The following RGS17 variants were observed in gnomAD, a reference collection of about 807,000 sequenced individuals.
RGS17 encodes regulator of G-protein signaling 17.
A neutral mutation model predicts 25.5 loss-of-function variants in RGS17; 12 were observed. That is an observed-to-expected ratio of 0.47 (90% confidence interval 0.30 to 0.76). The LOEUF (loss-of-function observed/expected upper bound fraction) is 0.76. Among genes scored for constraint, RGS17 ranks in the 30% least tolerant of loss-of-function variants. The pLI is 0.07. For missense variants in RGS17, 196 were observed against 242.2 expected, an observed-to-expected ratio of 0.81 and a Z score of 1.27; for synonymous variants, 71 against 76.9, an observed-to-expected ratio of 0.92 and a Z score of 0.40.
chr6:153,028,226 T>C (rs1779324542), intron 2 of RGS17, among the ~76,000 whole-genome samples: 1 of 152,150 alleles, frequency 6.6e-6, no homozygotes, highest in African/African-American at 2.4e-5. Context: ...GCAGGTTTAT[T>C]GGTGTCGAAC....
chr6:153,090,029 A>C (rs1384125073), intron 1 of RGS17, among the ~76,000 whole-genome samples: 2 of 152,178 alleles, frequency 1.3e-5, no homozygotes, highest in Admixed American at 6.5e-5. Flanking sequence ...GATTAACTGA[A>C]GGATTGAACA....
At chr6:153,020,900 G>A (rs1005651445) in intron 4 of RGS17, among the ~76,000 whole-genome samples, 3 of 152,162 alleles carry the variant, frequency 2.0e-5, no homozygotes, top group Non-Finnish European at 2.9e-5. Context: ...AGATTCTGAG[G>A]TTCAGTGTGG....
chr6:153,018,554 A>T lies in RGS17; in HGVS notation c.444+5708T>A, dbSNP rs1779208467. ...AATAATTGATCATAATTATGACATCATCTTGATCAAACCCAATGTGTTTGG... is the reference window on the plus strand; with the variant it reads ...AATAATTGATCATAATTATGACATCTTCTTGATCAAACCCAATGTGTTTGG... On this transcript the variant is annotated intron_variant, in intron 4 of 4. Coordinates refer to ENST00000206262, the MANE Select transcript of RGS17 (RefSeq NM_012419.5). Among the ~76,000 whole-genome samples, 4 of 152,230 alleles carry T rather than the reference A, an allele frequency of 2.6e-5. No individual in the cohort carries two copies. The South Asian group carries it at 8.3e-4, about 32-fold the overall frequency.
intron 1 of RGS17, among the ~76,000 whole-genome samples, chr6:153,062,116 G>A (rs1327036597): frequency 2.0e-4 from 20 of 102,550 alleles, no homozygotes; most frequent in African/African-American, 3.9e-5. Flanking sequence ...CCCTTCACAA[G>A]GACACCAATT....
chr6:153,050,390 C>T (rs75118866), intron 1 of RGS17, among the ~76,000 whole-genome samples: 3 of 152,018 alleles, frequency 2.0e-5, no homozygotes, highest in Non-Finnish European at 4.4e-5. Context: ...TAACACATTG[C>T]AATTTAACAA....
chr6:153,080,831 T>C (rs1776967935), intron 1 of RGS17, among the ~76,000 whole-genome samples: 1 of 151,828 alleles, frequency 6.6e-6, no homozygotes, highest in Non-Finnish European at 1.5e-5. Flanking sequence ...ATTTTCTCAT[T>C]TCTCCTGTTT....
chr6:153,032,040 G>T (rs1369596422), intron 2 of RGS17, among the ~76,000 whole-genome samples: 1 of 152,098 alleles, frequency 6.6e-6, no homozygotes, highest in Non-Finnish European at 1.5e-5. Flanking sequence ...ATAACTTCAG[G>T]ACAGGGCAAC....
chr6:153,085,467 G>A (rs1040637184), intron 1 of RGS17, among the ~76,000 whole-genome samples: 1 of 152,128 alleles, frequency 6.6e-6, no homozygotes. Context: ...GACGTCACCT[G>A]CAATACTCCA....
At chr6:153,054,735 G>T (rs891965364) in intron 1 of RGS17, among the ~76,000 whole-genome samples, 1 of 126,038 alleles carries the variant, frequency 7.9e-6, no homozygotes, top group Non-Finnish European at 1.6e-5. Context: ...TCTTTCAACC[G>T]GCTTAAAAAA....
chr6:153,038,185 G>T (rs1776276156), intron 2 of RGS17, among the ~76,000 whole-genome samples: 2 of 152,136 alleles, frequency 1.3e-5, no homozygotes, highest in African/African-American at 4.8e-5. Context: ...GCAGAGCCCT[G>T]TCACCAAATG....
chr6:153,105,534 C>T (rs578108677), intron 1 of RGS17, among the ~76,000 whole-genome samples: 44 of 152,212 alleles, frequency 2.9e-4, no homozygotes, highest in African/African-American at 8.9e-4. Flanking sequence ...ACCAAGTGTT[C>T]GCTGCTGGAG....
chr6:153,097,890 T>C (rs1001384105), intron 1 of RGS17, among the ~76,000 whole-genome samples: 1 of 152,004 alleles, frequency 6.6e-6, no homozygotes, highest in African/African-American at 2.4e-5. Flanking sequence ...GGCTCAAATT[T>C]GGAGATTTTA....
intron 2 of RGS17, among the ~76,000 whole-genome samples, chr6:153,026,920 T>C (rs1039116131): frequency 3.9e-5 from 6 of 152,200 alleles, no homozygotes; most frequent in Non-Finnish European, 7.3e-5. Flanking sequence ...AATGTCATTT[T>C]GATTTTTGGT....
intron 1 of RGS17, among the ~76,000 whole-genome samples, chr6:153,105,879 T>C (rs116739838): frequency 0.011 from 1,728 of 152,268 alleles, 44 homozygotes; most frequent in African/African-American, 0.039. Flanking sequence ...GGGGAGGCAC[T>C]GAATGCTTTC....
chr6:153,064,599 C>T (rs2129115769), intron 1 of RGS17, among the ~76,000 whole-genome samples: 1 of 150,698 alleles, frequency 6.6e-6, no homozygotes, highest in African/African-American at 2.4e-5. Context: ...CACTACAGTC[C>T]AGCCTGGTCA....
chr6:153,126,384 AG>A, intron 1 of RGS17, among the ~76,000 whole-genome samples: 1 of 152,184 alleles, frequency 6.6e-6, no homozygotes. Context: ...TGGAAAACTC[AG>A]GGGTGTAGCA....
intron 2 of RGS17, among the ~76,000 whole-genome samples, chr6:153,031,783 A>G (rs984892154): frequency 2.6e-5 from 4 of 152,188 alleles, no homozygotes; most frequent in Non-Finnish European, 1.5e-5. Flanking sequence ...CTCTCTAAGT[A>G]TCATCCCACA....
At chr6:153,106,424 G>GT (rs1245102680) in intron 1 of RGS17, among the ~76,000 whole-genome samples, 1 of 151,568 alleles carries the variant, frequency 6.6e-6, no homozygotes, top group African/African-American at 2.4e-5. Context: ...ATTTTCTGGG[G>GT]TAAGTATATG....
chr6:153,076,132 G>A (rs958750516), intron 1 of RGS17, among the ~76,000 whole-genome samples: 12 of 152,030 alleles, frequency 7.9e-5, no homozygotes, highest in African/African-American at 2.9e-4. Flanking sequence ...ATACATGGAA[G>A]AATCCATTTA....
Sources: allele counts gnomAD v4.1 joint callset (sites outside exome capture counted in the v4.1 genomes callset), GRCh38; gene constraint gnomAD v4.1.1; transcripts MANE v1.5; gene names NCBI Gene and HGNC (gene_info 2026-07-23, HGNC 2026-07-21).